Variants in LSS observed in about 807,000 individuals in gnomAD.
LSS encodes the protein lanosterol synthase, also known as 2,3-epoxysqualene-lanosterol cyclase.
In LSS, 90 loss-of-function variants were observed where a neutral mutation model predicts 110.3. The ratio of observed to expected loss-of-function variants is 0.82; its 90% confidence interval spans 0.69 to 0.97. LSS has a LOEUF of 0.97. Ranked by LOEUF, LSS falls within the 50% of genes least tolerant of loss-of-function variation. The probability of loss-of-function intolerance (pLI) is 0.00; values close to 1 mark genes in which losing one functional copy is unlikely to be tolerated. For synonymous variants in LSS, 433 were observed against 400.0 expected, an observed-to-expected ratio of 1.08 and a Z score of -0.98; for missense variants, 927 against 990.0, an observed-to-expected ratio of 0.94 and a Z score of 0.85.
At chr21:46,197,752 G>A (rs1002808450) in intron 17 of LSS, among the ~76,000 whole-genome samples, 1 of 152,090 alleles carries the variant, frequency 6.6e-6, no homozygotes, top group Admixed American at 6.5e-5. Flanking sequence ...AGCTGGGCAT[G>A]ATGACAGGCG....
Position 46,189,443 on chromosome 21 carries a change from AG to A in LSS, c.*1660del. On this transcript the variant is annotated 3_prime_UTR_variant, in exon 22 of 22. Coordinates refer to ENST00000397728, the MANE Select transcript of LSS (RefSeq NM_002340.6). ...AATAAAGCCCAGTTTTAAGATGTGC[AG>A]GGAAGTGTTGACACTGAACAGGCAG... 1 of 337,224 alleles carries A rather than the reference AG, an allele frequency of 3.0e-6. No homozygotes were observed. Among genetic ancestry groups the A allele is most frequent in the South Asian group, 2.2e-5 (1 of 45,524 alleles). 20.9% of individuals were successfully genotyped at this position (337,224 alleles called of 1,614,324 possible). A position where few individuals can be genotyped will look rare whatever the true frequency, so the allele number is the denominator to read the frequency against.
At chr21:46,217,188 G>A (rs1222351360) in intron 6 of LSS, among the ~76,000 whole-genome samples, 1 of 148,306 alleles carries the variant, frequency 6.7e-6, no homozygotes, top group Admixed American at 6.7e-5. Flanking sequence ...AGGTTGCAGT[G>A]AGCCGAGATT....
chr21:46,188,981 C>G lies in LSS; in HGVS notation c.*2123G>C. On this transcript the variant is annotated 3_prime_UTR_variant, in exon 22 of 22. Transcript: ENST00000397728. ...CTGTTTTCCCTCAGGTAACTGGAGA[C>G]GCACCCTGCTACTCCTCACGTCACT... 1 of 354,850 alleles carries G rather than the reference C, an allele frequency of 2.8e-6. No individual in the cohort carries two copies. Among genetic ancestry groups the G allele is most frequent in the Non-Finnish European group, 5.6e-6 (1 of 177,932 alleles). The allele number at this position is 354,850 out of a possible 1,614,324, so 22.0% of individuals were successfully genotyped here.
At chr21:46,221,151 G>A (rs1028442554) in intron 5 of LSS, among the ~76,000 whole-genome samples, 4 of 145,738 alleles carry the variant, frequency 2.7e-5, no homozygotes, top group African/African-American at 7.6e-5. Context: ...GGACAGCCCC[G>A]GGCTTGGAGA....
intron 12 of LSS, among the ~76,000 whole-genome samples, chr21:46,210,336 G>A (rs190664492): frequency 6.6e-6 from 1 of 152,136 alleles, no homozygotes; most frequent in Admixed American, 6.5e-5. Flanking sequence ...AAAGTGCTGG[G>A]ATTACAGGTG....
At chr21:46,219,286 A>G (rs1394285223) in intron 6 of LSS, among the ~76,000 whole-genome samples, 190 bp downstream of exon 6, 1 of 151,850 alleles carries the variant, frequency 6.6e-6, no homozygotes, top group Non-Finnish European at 1.5e-5. Context: ...CTCAATTGGG[A>G]ACCTCCCCCT....
At chr21:46,192,529 C>T (rs1426900883) in intron 20 of LSS, 2 of 412,048 alleles carry the variant, frequency 4.9e-6, no homozygotes, top group Non-Finnish European at 9.8e-6. Flanking sequence ...TGTATGTGTG[C>T]ACAGGTGCCT....
At chr21:46,223,593 T>C (rs868243396) in intron 3 of LSS, among the ~76,000 whole-genome samples, 1 of 152,264 alleles carries the variant, frequency 6.6e-6, no homozygotes, top group East Asian at 1.9e-4. Flanking sequence ...AGAATAGTTA[T>C]ACCAGATATA....
At chr21:46,215,985 C>A (rs574212718) in intron 7 of LSS, among the ~76,000 whole-genome samples, 192 bp from the exon 8 acceptor site, 3 of 152,228 alleles carry the variant, frequency 2.0e-5, no homozygotes, top group African/African-American at 7.2e-5. Flanking sequence ...GAGGAGCTCC[C>A]CAGCTCCATG....
chr21:46,215,859 G>T, intron 7 of LSS, 66 bp from the exon 8 acceptor site: 2 of 1,103,462 alleles, frequency 1.8e-6, no homozygotes, highest in East Asian at 2.5e-5. Flanking sequence ...CAAACCAGGA[G>T]GGGTGGCCTC....
Position 46,206,722 on chromosome 21 carries a change from G to C in LSS, c.1514C>G (p.Thr505Ser). 6.2e-7 allele frequency: 1 copy of C among 1,613,048 alleles called. No individual in the cohort carries two copies. Among genetic ancestry groups the C allele is most frequent in the East Asian group, 2.2e-5 (1 of 44,872 alleles). ...CTCCAGCAAGTGCCCCCCACGCTTGGTCTCATAGGTGGCGAACCCTCCATC... is the reference window on the plus strand; with the variant it reads ...CTCCAGCAAGTGCCCCCCACGCTTGCTCTCATAGGTGGCGAACCCTCCATC... Reference protein sequence around the residue: ...NPDGGFATYETKRGGHLLELL... With the variant: ...NPDGGFATYESKRGGHLLELL... Residue 505 changes from threonine (T) to serine (S), a missense_variant, in exon 16 of 22, where the codon ACC becomes AGC. Physicochemically the swap from Thr to Ser is moderately conservative, Grantham distance 58. Transcript: ENST00000397728.
chr21:46,215,465 C>T (rs985069565), intron 8 of LSS, among the ~76,000 whole-genome samples, 167 bp from the exon 9 acceptor site: 1 of 150,406 alleles, frequency 6.6e-6, no homozygotes, highest in Non-Finnish European at 1.5e-5. Context: ...GGGGCTGCCC[C>T]ACACCTCCTA....
At chr21:46,227,357 C>A in intron 3 of LSS, 195 bp downstream of exon 3, 1 of 625,724 alleles carries the variant, frequency 1.6e-6, no homozygotes, top group Non-Finnish European at 2.7e-6. Context: ...AGCCTGTCAC[C>A]CTACACTGGC....
chr21:46,214,600 CA>C (rs1291714745), intron 9 of LSS, among the ~76,000 whole-genome samples: 1 of 152,192 alleles, frequency 6.6e-6, no homozygotes, highest in African/African-American at 2.4e-5. Flanking sequence ...GCAGCTGCAG[CA>C]CAGCCCAGGG....
intron 6 of LSS, among the ~76,000 whole-genome samples, chr21:46,217,825 C>T (rs894601332): frequency 6.6e-6 from 1 of 152,202 alleles, no homozygotes; most frequent in Non-Finnish European, 1.5e-5. Context: ...TCATTACACA[C>T]GGGCGAGGCG....
chr21:46,212,995 AG>A (rs777820790), intron 11 of LSS, 29 bp downstream of exon 11: 1 of 1,613,596 alleles, frequency 6.2e-7, no homozygotes, highest in African/African-American at 1.3e-5. Context: ...TTGCAAAGGA[AG>A]CATGCAGCCG....
intron 1 of LSS, 36 bp downstream of exon 1, chr21:46,228,696 C>G (rs1198524328): frequency 2.5e-6 from 4 of 1,602,466 alleles, no homozygotes; most frequent in East Asian, 4.5e-5. Flanking sequence ...TAGGACCACC[C>G]CGCATTCGTC....
At position 46,216,554 on chromosome 21, in the gene LSS, C is replaced by A. The variant is rs750823646; in HGVS notation, c.648-30G>T. 2 of 1,553,786 alleles carry A rather than the reference C, an allele frequency of 1.3e-6. No individual in the cohort carries two copies. Among genetic ancestry groups the A allele is most frequent in the Non-Finnish European group, 8.7e-7 (1 of 1,146,250 alleles). ...GGCAACAGCAGGAGTCAGTGGGAGA[C>A]CCCAAGACTCAAGCCTGCCCCCTCC... On this transcript the variant is annotated intron_variant, in intron 6 of 21. Transcript: ENST00000397728. This position sits in a 1 kb window ranked among gnomAD's most constrained non-coding sequence, Gnocchi z 4.2.
rs752067765 is a variant in LSS at position 46,195,730 on chromosome 21, C to T, written c.1763G>A (p.Gly588Asp). 4.3e-6 allele frequency: 7 copies of T among 1,613,846 alleles called. No individual in the cohort carries two copies. The highest frequency in any genetic ancestry group is 5.9e-6 in the Non-Finnish European group (7 of 1,180,018). The change falls in exon 19 of 22, where the codon GGC (glycine) becomes GAC (aspartate). Residue 588 changes from glycine (G) to aspartate (D), a missense_variant. Gly to Asp is a moderately conservative substitution (Grantham distance 94, BLOSUM62 -1). Transcript: ENST00000397728. ...EGSWGVCFTY[G>D]TWFGLEAFAC... ...GAAGGCCTCCAGGCCAAACCAGGTG[C>T]CGTAGGTGAAGCAAACTCCCCAGGA...
Sources: allele counts gnomAD v4.1 joint callset (sites outside exome capture counted in the v4.1 genomes callset), GRCh38; gene constraint gnomAD v4.1.1; non-coding constraint Gnocchi (gnomAD v3.1); transcripts MANE v1.5; gene names NCBI Gene and HGNC (gene_info 2026-07-23, HGNC 2026-07-21).